The following E2F3 variants were observed in gnomAD, a reference collection of about 807,000 sequenced individuals.
The protein encoded by E2F3 is E2F transcription factor 3.
In E2F3, 11 loss-of-function variants were observed where a neutral mutation model predicts 44.4. The observed-to-expected ratio is 0.25, with a 90% confidence interval of 0.16 to 0.41. The LOEUF is 0.41. E2F3 is among the 10% of genes least tolerant of loss of function. The pLI, the probability that E2F3 is intolerant of heterozygous loss-of-function variation, is 1.00. For synonymous variants in E2F3, 249 were observed against 253.0 expected, an observed-to-expected ratio of 0.98 and a Z score of 0.15; for missense variants, 487 against 583.6, an observed-to-expected ratio of 0.83 and a Z score of 1.70.
At position 20,486,718 on chromosome 6, in the gene E2F3, G is replaced by A. The variant is rs188266138; in HGVS notation, c.914G>A (p.Arg305Gln). The stretch of plus-strand genomic sequence containing the variant: ...GCTTATGTTACATATCAAGATATTC[G>A]AAAAATTAGTGGCCTTAAAGACCAA... Reference protein sequence around the residue: ...RLAYVTYQDIRKISGLKDQTV... With the variant: ...RLAYVTYQDIQKISGLKDQTV... The change falls in exon 5 of 7, where the codon CGA becomes CAA. Residue 305 changes from arginine (R) to glutamine (Q), a missense_variant. By Grantham distance (43) the Arg-to-Gln change is conservative. Around this residue, in one of 3 missense-constraint regions of E2F3, gnomAD observed 220 missense variants for 261.7 expected, o/e 0.84. Transcript: ENST00000346618. The A allele has an allele frequency of 1.3e-5, 21 of 1,611,114 alleles. No homozygotes were observed. The Admixed American group carries it at 1.7e-4, about 13-fold the overall frequency.
chr6:20,432,202 C>A (rs1316002407), intron 1 of E2F3, among the ~76,000 whole-genome samples: 4 of 152,254 alleles, frequency 2.6e-5, no homozygotes, highest in Non-Finnish European at 5.9e-5. Context: ...GCTACCCCAA[C>A]ATAATTGGCC....
At chr6:20,480,787 C>T (rs1161521329) in intron 2 of E2F3, among the ~76,000 whole-genome samples, 2 of 152,190 alleles carry the variant, frequency 1.3e-5, no homozygotes, top group Non-Finnish European at 2.9e-5. Context: ...TGTTTAAGAC[C>T]TTGTCCTGCA....
chr6:20,432,845 C>CG (rs1298073308), intron 1 of E2F3, among the ~76,000 whole-genome samples: 5 of 152,218 alleles, frequency 3.3e-5, no homozygotes, highest in Admixed American at 1.3e-4. Context: ...AGGGCTGCAC[C>CG]AAGCTGCTTC....
chr6:20,415,886 G>A (rs1278380723), intron 1 of E2F3, among the ~76,000 whole-genome samples: 1 of 152,162 alleles, frequency 6.6e-6, no homozygotes, highest in Non-Finnish European at 1.5e-5. Flanking sequence ...GCAGTTCAGG[G>A]AAGGAAGTTT....
intron 1 of E2F3, among the ~76,000 whole-genome samples, chr6:20,457,084 C>G (rs1045480720): frequency 3.3e-5 from 5 of 152,126 alleles, no homozygotes; most frequent in Admixed American, 1.3e-4. Context: ...CTCCGCACCC[C>G]CTTTGCCTAC....
chr6:20,458,062 G>A lies in E2F3; in HGVS notation c.394-21784G>A, dbSNP rs537533011. Among the ~76,000 whole-genome samples the A allele has an allele frequency of 7.2e-5, 11 of 152,046 alleles. No homozygotes were observed. The South Asian group carries it at 1.0e-3, about 14-fold the overall frequency. ...TATGTATTCATTAGCAATCACTGCC[G>A]TAGGCCTTTCTGTTTGATTTTTCTT... On this transcript the variant is annotated intron_variant, in intron 1 of 6. Coordinates refer to ENST00000346618, the MANE Select transcript of E2F3 (RefSeq NM_001949.5).
At chr6:20,457,483 A>G (rs1336082497) in intron 1 of E2F3, among the ~76,000 whole-genome samples, 1 of 151,050 alleles carries the variant, frequency 6.6e-6, no homozygotes, top group Non-Finnish European at 1.5e-5. Context: ...CACTGCACCT[A>G]GCCCGTTCTC....
chr6:20,410,395 T>C (rs115305965), intron 1 of E2F3, among the ~76,000 whole-genome samples: 7 of 152,356 alleles, frequency 4.6e-5, no homozygotes, highest in African/African-American at 1.7e-4. Flanking sequence ...CCTGTGACTT[T>C]GGGCAAGAAA....
intron 6 of E2F3, 63 bp downstream of exon 6, chr6:20,488,311 G>A: frequency 6.6e-7 from 1 of 1,509,228 alleles, no homozygotes; most frequent in South Asian, 1.4e-5. Context: ...AGAACCATCT[G>A]TATTGGAACC....
At chr6:20,432,238 ACT>A (rs768661910) in intron 1 of E2F3, among the ~76,000 whole-genome samples, 24 of 151,722 alleles carry the variant, frequency 1.6e-4, no homozygotes, top group Non-Finnish European at 2.8e-4. Context: ...TTTTCAAAAA[ACT>A]CTTCCATCTT....
At chr6:20,422,038 G>A (rs1383384300) in intron 1 of E2F3, among the ~76,000 whole-genome samples, 1 of 152,168 alleles carries the variant, frequency 6.6e-6, no homozygotes, top group Admixed American at 6.5e-5. Flanking sequence ...CTCCTCTCTA[G>A]CTATGCAAGT....
At position 20,491,162 on chromosome 6, in the gene E2F3, C is replaced by T. The variant is rs4134984; in HGVS notation, c.*732C>T. 756 of 232,426 alleles carry T rather than the reference C, an allele frequency of 3.3e-3. 16 individuals carry two copies. The East Asian group carries it at 0.041, about 13-fold the overall frequency. 14.4% of individuals were successfully genotyped at this position (232,426 alleles called of 1,614,324 possible). ...TCTCCATGAACCACTCCCATTCCCCCGTCCCCAATGTGTTTGTGAGTTTCC... is the reference window on the plus strand; with the variant it reads ...TCTCCATGAACCACTCCCATTCCCCTGTCCCCAATGTGTTTGTGAGTTTCC... On this transcript the variant is annotated 3_prime_UTR_variant, in exon 7 of 7. Transcript: ENST00000346618.
In E2F3 at chr6:20,491,131, T is replaced by A. The variant is rs1321518328; in HGVS notation, c.*701T>A. 4.3e-5 allele frequency: 10 copies of A among 232,088 alleles called. No individual in the cohort carries two copies. In the East Asian group the frequency reaches 6.1e-4, roughly 14 times the overall value. The allele number at this position is 232,088 out of a possible 1,614,324, so 14.4% of individuals were successfully genotyped here. A position where few individuals can be genotyped will look rare whatever the true frequency, so the allele number is the denominator to read the frequency against. ...CTGCCACTCTAAGCTGTTGTGGATT[T>A]TCCTGTCTCCATGAACCACTCCCAT... On this transcript the variant is annotated 3_prime_UTR_variant, in exon 7 of 7. Coordinates refer to ENST00000346618, the MANE Select transcript of E2F3 (RefSeq NM_001949.5).
chr6:20,463,347 G>A (rs983108345), intron 1 of E2F3, among the ~76,000 whole-genome samples: 5 of 152,106 alleles, frequency 3.3e-5, no homozygotes, highest in Non-Finnish European at 5.9e-5. Flanking sequence ...CCAGGAGTTC[G>A]AGACCAGCCT....
intron 1 of E2F3, among the ~76,000 whole-genome samples, chr6:20,460,825 A>C (rs1561872050): frequency 1.3e-5 from 2 of 151,318 alleles, no homozygotes; most frequent in African/African-American, 4.9e-5. Flanking sequence ...GTGAAACCCT[A>C]TCTCTACTAA....
At chr6:20,473,554 A>C (rs1761957031) in intron 1 of E2F3, among the ~76,000 whole-genome samples, 1 of 152,224 alleles carries the variant, frequency 6.6e-6, no homozygotes, top group Non-Finnish European at 1.5e-5. Flanking sequence ...TGGTATTAAT[A>C]ATAATCTAAT....
chr6:20,473,072 A>G (rs1381666425), intron 1 of E2F3, among the ~76,000 whole-genome samples: 1 of 152,226 alleles, frequency 6.6e-6, no homozygotes, highest in Non-Finnish European at 1.5e-5. Flanking sequence ...ATATCCAAGT[A>G]ACTTCATAGT....
intron 1 of E2F3, among the ~76,000 whole-genome samples, chr6:20,475,651 GCTA>G (rs1762020831): frequency 6.6e-6 from 1 of 152,134 alleles, no homozygotes; most frequent in South Asian, 2.1e-4. Flanking sequence ...ACAGGTGCAT[GCTA>G]CCATGCTGGG....
chr6:20,403,616 TTCC>T, intron 1 of E2F3: 1 of 476,882 alleles, frequency 2.1e-6, no homozygotes, highest in Non-Finnish European at 3.7e-6. Context: ...GGGCACCCAC[TTCC>T]TCCTGCTCGC....
Sources: gnomAD v4.1 joint callset for allele counts (sites outside exome capture counted in the v4.1 genomes callset) on GRCh38, gnomAD v4.1.1 for gene constraint, gnomAD v4.1.1 regional missense constraint, MANE v1.5 for transcripts, NCBI Gene and HGNC (gene_info 2026-07-23, HGNC 2026-07-21) for gene names.